CUTC: variants seen among roughly 807,000 people sequenced by gnomAD.
CUTC encodes cutC copper transporter, also known as copper homeostasis protein cutC homolog.
CUTC carries 27 observed loss-of-function variants against 36.2 expected under a neutral mutation model. The observed-to-expected ratio is 0.75, with a 90% CI of 0.55 to 1.03. The LOEUF (loss-of-function observed/expected upper bound fraction) is 1.03, where lower values mean the gene tolerates loss of function less well. Ranked by LOEUF, CUTC falls within the 50% of genes least tolerant of loss-of-function variation. CUTC has a pLI of 0.00. For missense variants in CUTC, 315 were observed against 343.5 expected (o/e 0.92, Z 0.66); for synonymous variants, 114 against 118.3 (o/e 0.96, Z 0.24).
intron 5 of CUTC, among the ~76,000 whole-genome samples, chr10:99,746,068 C>G (rs1323186013): frequency 6.6e-6 from 1 of 152,150 alleles, no homozygotes; most frequent in African/African-American, 2.4e-5. Context: ...AGAACAGTTT[C>G]CCAAATTTGA....
intron 5 of CUTC, among the ~76,000 whole-genome samples, chr10:99,746,752 AAT>A (rs2037380312): frequency 6.6e-6 from 1 of 151,886 alleles, no homozygotes; most frequent in South Asian, 2.1e-4. Flanking sequence ...ACCTTCACTG[AAT>A]TTTTTTATTA....
chr10:99,745,939 T>C (rs1459935544), intron 5 of CUTC, among the ~76,000 whole-genome samples: 3 of 152,230 alleles, frequency 2.0e-5, no homozygotes, highest in Non-Finnish European at 4.4e-5. Flanking sequence ...ACCTTGAGTA[T>C]GTGGGGTTAA....
chr10:99,746,114 A>G (rs1486231467), intron 5 of CUTC, among the ~76,000 whole-genome samples: 1 of 152,224 alleles, frequency 6.6e-6, no homozygotes, highest in East Asian at 1.9e-4. Context: ...TTTACCATAT[A>G]TGAGTGCTAC....
intron 5 of CUTC, 32 bp downstream of exon 5, chr10:99,744,104 A>G (rs1452585054): frequency 6.3e-7 from 1 of 1,587,150 alleles, no homozygotes; most frequent in African/African-American, 1.3e-5. Context: ...AGTTCTATTG[A>G]ACAGTGTTAG....
At chr10:99,738,815 C>T (rs536588972) in intron 2 of CUTC, among the ~76,000 whole-genome samples, 120 of 152,180 alleles carry the variant, frequency 7.9e-4, no homozygotes, top group Middle Eastern at 3.4e-3. Context: ...ACAGGGAGTT[C>T]AGGTATTGCC....
intron 7 of CUTC, among the ~76,000 whole-genome samples, chr10:99,752,848 A>C (rs1227010120): frequency 6.6e-6 from 1 of 152,248 alleles, no homozygotes; most frequent in East Asian, 1.9e-4. Flanking sequence ...GAAATAAAGT[A>C]ATCCTACTTG....
intron 2 of CUTC, 147 bp from the exon 3 acceptor site, chr10:99,739,563 C>T (rs924293959): frequency 2.9e-6 from 2 of 698,970 alleles, no homozygotes; most frequent in Admixed American, 6.4e-5. Flanking sequence ...GAGTTAAAAA[C>T]AGAGTTTTAC....
intron 1 of CUTC, among the ~76,000 whole-genome samples, chr10:99,733,222 T>A (rs2133656012): frequency 6.6e-6 from 1 of 152,024 alleles, no homozygotes; most frequent in Non-Finnish European, 1.5e-5. Flanking sequence ...GGCAGGAGAA[T>A]CACTTGAACC....
At position 99,747,347 on chromosome 10, in the gene CUTC, C is replaced by T. The variant is rs1035741004; in HGVS notation, c.530C>T (p.Ser177Leu). ...GTGTTGACCAGTGGATGTGACAGTT[C>T]AGCATTAGAAGGGCTACCCCTAATA... ...ERVLTSGCDSSALEGLPLIKR... is the reference protein window; with the variant it reads ...ERVLTSGCDSLALEGLPLIKR... The change falls in exon 6 of 9, where the codon TCA becomes TTA. Residue 177 changes from serine to leucine, a missense_variant. Coordinates refer to ENST00000370476, the MANE Select transcript of CUTC (RefSeq NM_015960.3). The T allele has an allele frequency of 6.2e-7, 1 of 1,614,212 alleles. No homozygotes were observed. The highest frequency in any genetic ancestry group is 8.5e-7 in the Non-Finnish European group (1 of 1,180,036).
intron 1 of CUTC, 40 bp from the exon 2 acceptor site, chr10:99,736,206 A>G (rs2037295768): frequency 6.4e-7 from 1 of 1,567,548 alleles, no homozygotes; most frequent in Non-Finnish European, 8.8e-7. Flanking sequence ...CTGGATGGAT[A>G]GAACCTTTAT....
rs759885087 is a variant in CUTC, at chr10:99,754,604, G to C, written c.677G>C (p.Arg226Pro). ...SGATEFHCSA[R>P]STRDSGMKFR... is the part of the protein sequence containing the mutation. ...GCTACAGAATTCCACTGTTCTGCTC[G>C]GTCTACTAGAGACTCGGGAATGAAG... Residue 226 changes from arginine to proline, a missense_variant, in exon 8 of 9, where the codon CGG becomes CCG. Physicochemically the swap from Arg to Pro is moderately radical, Grantham distance 103. Coordinates refer to ENST00000370476, the MANE Select transcript of CUTC (RefSeq NM_015960.3). 1 of 1,612,720 alleles carries C rather than the reference G, an allele frequency of 6.2e-7. No individual in the cohort carries two copies. Among genetic ancestry groups the C allele is most frequent in the African/African-American group, 1.3e-5 (1 of 74,866 alleles).
Position 99,743,265 on chromosome 10 carries a change from C to T in CUTC, c.306C>T (p.Asp102=), listed in dbSNP as rs769859056. The T allele has an allele frequency of 6.2e-7, 1 of 1,614,178 alleles. No individual in the cohort carries two copies. The highest frequency in any genetic ancestry group is 1.3e-5 in the African/African-American group (1 of 75,048). ...SDREIEVMKA[D]IRLAKLYGAD... is the part of the protein sequence containing the mutation. ...GTGAAATTGAGGTGATGAAGGCTGA[C>T]ATTCGTCTTGCCAAGCTTTATGGTG... The change falls in exon 4 of 9, where the codon GAC becomes GAT. Residue 102 remains aspartate, a synonymous_variant. Coordinates refer to ENST00000370476, the MANE Select transcript of CUTC (RefSeq NM_015960.3).
At position 99,745,595 on chromosome 10, in the gene CUTC, A is replaced by G. The variant is rs765490457; in HGVS notation, c.439+1523A>G. Among the ~76,000 whole-genome samples, 134 of 152,314 alleles carry G rather than the reference A, an allele frequency of 8.8e-4. 1 individual carries two copies. Among genetic ancestry groups the G allele is most frequent in the Non-Finnish European group, 1.2e-3 (79 of 68,014 alleles). Reference sequence around the variant, plus strand: ...AGGATGGGGCTGGGCACAGTGGCTTACCCCTATAATCCTACCACTTTGGGA... The same window carrying G: ...AGGATGGGGCTGGGCACAGTGGCTTGCCCCTATAATCCTACCACTTTGGGA... On this transcript the variant is annotated intron_variant, in intron 5 of 8. Transcript: ENST00000370476.
chr10:99,743,098 A>G, intron 3 of CUTC, 55 bp from the exon 4 acceptor site: 2 of 1,541,516 alleles, frequency 1.3e-6, no homozygotes, highest in South Asian at 2.2e-5. Context: ...GACCAATAAT[A>G]TATCATTGGC....
chr10:99,732,572 G>A (rs140016140), intron 1 of CUTC, 163 bp downstream of exon 1: 8 of 1,440,724 alleles, frequency 5.6e-6, no homozygotes, highest in Non-Finnish European at 7.3e-6. Context: ...TGTGGAAACG[G>A]AGGGCGTGAC....
At chr10:99,743,396 A>G (rs761211302) in intron 4 of CUTC, 34 bp downstream of exon 4, 1 of 1,570,110 alleles carries the variant, frequency 6.4e-7, no homozygotes, top group East Asian at 2.2e-5. Flanking sequence ...AAAAGCCTCT[A>G]ATGATAATTG....
chr10:99,741,012 C>T (rs905641624), intron 3 of CUTC, among the ~76,000 whole-genome samples: 4 of 152,114 alleles, frequency 2.6e-5, no homozygotes, highest in Non-Finnish European at 4.4e-5. Context: ...ACCTTGTCTG[C>T]GAATTCTAAC....
At chr10:99,752,974 T>C (rs969671596) in intron 7 of CUTC, among the ~76,000 whole-genome samples, 15 of 152,190 alleles carry the variant, frequency 9.9e-5, no homozygotes, top group African/African-American at 3.4e-4. Context: ...GTATTCATCA[T>C]TGAGAAATAT....
chr10:99,752,035 C>T (rs1432965457), intron 7 of CUTC, among the ~76,000 whole-genome samples: 1 of 152,096 alleles, frequency 6.6e-6, no homozygotes, highest in Admixed American at 6.6e-5. Context: ...GGTCAGAATA[C>T]TTCATGGGTG....
Sources: gnomAD v4.1 joint callset for allele counts (sites outside exome capture counted in the v4.1 genomes callset) on GRCh38, gnomAD v4.1.1 for gene constraint, MANE v1.5 for transcripts, NCBI Gene and HGNC (gene_info 2026-07-23, HGNC 2026-07-21) for gene names.